Variants in KAZN observed in about 807,000 individuals in gnomAD.
KAZN encodes kazrin.
In KAZN, 40 loss-of-function variants were observed where a neutral mutation model predicts 87.4. The observed-to-expected ratio is 0.46, with a 90% CI of 0.36 to 0.60. The LOEUF (loss-of-function observed/expected upper bound fraction) is 0.60. Ranked by LOEUF, KAZN falls within the 20% of genes least tolerant of loss-of-function variation. The pLI is 0.00. For missense variants in KAZN, 898 were observed against 1,073.9 expected, an observed-to-expected ratio of 0.84 and a Z score of 2.29; for synonymous variants, 466 against 458.3, an observed-to-expected ratio of 1.02 and a Z score of -0.22.
chr1:14,238,049 A>T (rs1417142743), intron 2 of KAZN, among the ~76,000 whole-genome samples: 1 of 152,154 alleles, frequency 6.6e-6, no homozygotes, highest in African/African-American at 2.4e-5. Flanking sequence ...TAACAGCTTT[A>T]TTGAGATAAA....
At chr1:14,635,420 C>T (rs377229956) in intron 1 of KAZN, among the ~76,000 whole-genome samples, 26 of 152,326 alleles carry the variant, frequency 1.7e-4, no homozygotes, top group South Asian at 1.0e-3. Context: ...TGACAGTGCA[C>T]GGGATAGTCC....
At chr1:14,789,988 A>T (rs972514776) in intron 1 of KAZN, among the ~76,000 whole-genome samples, 4 of 151,366 alleles carry the variant, frequency 2.6e-5, no homozygotes, top group Admixed American at 2.6e-4. Flanking sequence ...GCATTCCTTG[A>T]ATTTCTTTTT....
chr1:14,812,349 C>T (rs1040533671), intron 1 of KAZN, among the ~76,000 whole-genome samples: 1 of 152,196 alleles, frequency 6.6e-6, no homozygotes, highest in African/African-American at 2.4e-5. Context: ...ACATCTTGAG[C>T]AACTGTACTC....
intron 1 of KAZN, among the ~76,000 whole-genome samples, chr1:14,112,525 C>T (rs543602711): frequency 3.9e-5 from 6 of 152,302 alleles, no homozygotes; most frequent in Admixed American, 1.3e-4. Flanking sequence ...TCCTCTCACT[C>T]CCAGGGACCC....
intron 2 of KAZN, among the ~76,000 whole-genome samples, chr1:14,964,424 C>G (rs552757165): frequency 2.4e-4 from 37 of 152,250 alleles, no homozygotes; most frequent in Non-Finnish European, 5.1e-4. Context: ...AGACCTGAGA[C>G]CACCCCTTGA....
chr1:14,931,311 G>C (rs1166435787), intron 1 of KAZN, among the ~76,000 whole-genome samples: 1 of 152,032 alleles, frequency 6.6e-6, no homozygotes, highest in Non-Finnish European at 1.5e-5. Context: ...CAGCATGGTG[G>C]CGCATGCCTG....
Position 14,528,520 on chromosome 1 carries a change from A to T in KAZN, c.250-70463A>T, listed in dbSNP as rs139416403. Among the ~76,000 whole-genome samples, 489 of 151,970 alleles carry T rather than the reference A, an allele frequency of 3.2e-3. 4 individuals carry two copies. The highest frequency in any genetic ancestry group is 0.011 in the African/African-American group (458 of 41,460). ...CAGCCCCCGACCAGTACAGTGGCTC[A>T]CGCCTGTAACCCCAGCACTTTGGGA... On this transcript the variant is annotated intron_variant, in intron 2 of 16. Coordinates refer to the KAZN transcript ENST00000636203.
At chr1:14,375,900 A>C (rs3928344) in intron 2 of KAZN, among the ~76,000 whole-genome samples, 133,040 of 151,864 alleles carry the variant, frequency 0.88, 58,449 homozygotes, top group Middle Eastern at 0.93. Context: ...AAACAAAAAA[A>C]AAAAAAAGAA....
At chr1:14,860,714 C>A (rs1650737112) in intron 1 of KAZN, among the ~76,000 whole-genome samples, 2 of 152,162 alleles carry the variant, frequency 1.3e-5, no homozygotes, top group Admixed American at 6.5e-5. Context: ...CATATACCTA[C>A]CTTATATGTT....
intron 4 of KAZN, among the ~76,000 whole-genome samples, chr1:15,053,061 G>C (rs371527166): frequency 2.6e-5 from 4 of 152,336 alleles, no homozygotes; most frequent in East Asian, 1.9e-4. Context: ...GTTTGCAGGA[G>C]GGGGAGCTGA....
intron 1 of KAZN, among the ~76,000 whole-genome samples, chr1:14,679,158 T>C (rs1481753778): frequency 6.6e-6 from 1 of 152,282 alleles, no homozygotes; most frequent in East Asian, 1.9e-4. Flanking sequence ...AAATATAGTT[T>C]GTTACTTACA....
chr1:14,239,603 G>C (rs1290006673), intron 2 of KAZN, among the ~76,000 whole-genome samples: 2 of 151,806 alleles, frequency 1.3e-5, no homozygotes, highest in Admixed American at 1.3e-4. Flanking sequence ...TGGGATTACA[G>C]GCATGTGCCA....
At chr1:14,616,258 C>T (rs752509603) in intron 1 of KAZN, among the ~76,000 whole-genome samples, 9 of 152,148 alleles carry the variant, frequency 5.9e-5, no homozygotes, top group Non-Finnish European at 1.0e-4. Flanking sequence ...ATTTGTGTTA[C>T]CCTGACCCCC....
intron 1 of KAZN, among the ~76,000 whole-genome samples, chr1:14,808,825 G>A (rs779466973): frequency 6.2e-4 from 94 of 152,000 alleles, no homozygotes; most frequent in Admixed American, 4.8e-3. Flanking sequence ...GTTGGTTTAG[G>A]GCTCAGCAGT....
At chr1:14,250,135 T>C (rs1649882547) in intron 2 of KAZN, among the ~76,000 whole-genome samples, 1 of 152,186 alleles carries the variant, frequency 6.6e-6, no homozygotes, top group Admixed American at 6.5e-5. Flanking sequence ...ATTTTACTGA[T>C]TAGTTCCTTT....
At chr1:14,015,157 G>A (rs988141017) in intron 1 of KAZN, among the ~76,000 whole-genome samples, 10 of 152,088 alleles carry the variant, frequency 6.6e-5, no homozygotes, top group Non-Finnish European at 5.9e-5. Flanking sequence ...TTGAGAAAAC[G>A]TATTATGATA....
chr1:13,933,496 C>A (rs183402966), intron 1 of KAZN, among the ~76,000 whole-genome samples: 2,917 of 152,140 alleles, frequency 0.019, 39 homozygotes, highest in South Asian at 0.041. Context: ...CCGTCCCCCC[C>A]AAAAAATATT....
chr1:14,938,459 T>C (rs942735947), intron 1 of KAZN, among the ~76,000 whole-genome samples: 1 of 149,268 alleles, frequency 6.7e-6, no homozygotes, highest in African/African-American at 2.5e-5. Context: ...GGAGGATCAC[T>C]GGAACCCGGG....
Position 14,067,756 on chromosome 1 carries a change from C to T in KAZN, c.92-112679C>T, listed in dbSNP as rs571196371. On this transcript the variant is annotated intron_variant, in intron 1 of 16. Coordinates refer to the KAZN transcript ENST00000636203. Reference sequence around the variant, plus strand: ...GGGGAAGGGTGAATTAGTTAAAAACCTTGAAAGTTCTGGGGCAACCACAGC... The same window carrying T: ...GGGGAAGGGTGAATTAGTTAAAAACTTTGAAAGTTCTGGGGCAACCACAGC... Among the ~76,000 whole-genome samples, 18 of 152,232 alleles carry T rather than the reference C, an allele frequency of 1.2e-4. No homozygotes were observed. In the South Asian group the frequency reaches 3.7e-3, roughly 32 times the overall value.
Sources: gnomAD v4.1 joint callset for allele counts (sites outside exome capture counted in the v4.1 genomes callset) on GRCh38, gnomAD v4.1.1 for gene constraint, MANE v1.5 for transcripts, NCBI Gene and HGNC (gene_info 2026-07-23, HGNC 2026-07-21) for gene names.